The following DENND2B variants were observed in gnomAD, a reference collection of about 807,000 sequenced individuals.
DENND2B encodes the protein DENN domain-containing protein 2B.
Under a neutral mutation model 116.0 loss-of-function variants are expected in DENND2B, and 32 were observed. The ratio of observed to expected loss-of-function variants is 0.28; its 90% CI spans 0.21 to 0.37. DENND2B has a LOEUF of 0.37. DENND2B is among the 10% of genes least tolerant of loss of function. The pLI, the probability that DENND2B is intolerant of heterozygous loss-of-function variation, is 1.00. For missense variants in DENND2B, 1,276 were observed against 1,477.7 expected, an observed-to-expected ratio of 0.86 and a Z score of 2.24; for synonymous variants, 588 against 583.9, an observed-to-expected ratio of 1.01 and a Z score of -0.10.
intron 3 of DENND2B, 57 bp downstream of exon 3, chr11:8,729,893 C>G (rs2047800904): frequency 1.3e-6 from 2 of 1,584,770 alleles, no homozygotes; most frequent in South Asian, 1.2e-5. Flanking sequence ...TTTGCACTGT[C>G]CATTTAAAAG....
intron 11 of DENND2B, 90 bp downstream of exon 11, chr11:8,710,755 A>G (rs766127402): frequency 1.2e-3 from 93 of 78,804 alleles, no homozygotes; most frequent in Non-Finnish European, 1.7e-3. Flanking sequence ...GCAGAAGGGC[A>G]CACACACACA....
chr11:8,727,362 C>T (rs1300979773), intron 3 of DENND2B, among the ~76,000 whole-genome samples: 1 of 152,208 alleles, frequency 6.6e-6, no homozygotes, highest in Non-Finnish European at 1.5e-5. Context: ...CCCTGCCCCG[C>T]CCCAAGCACT....
Position 8,826,031 on chromosome 11 carries a change from T to C in DENND2B, c.-115+13279A>G, listed in dbSNP as rs149387841. Reference sequence around the variant, plus strand: ...AAAGAAAAAAAGGAAATCAAGTCTTTTGGAGCCCCTTAAACTGAGAAGATA... The same window carrying C: ...AAAGAAAAAAAGGAAATCAAGTCTTCTGGAGCCCCTTAAACTGAGAAGATA... On this transcript the variant is annotated intron_variant, in intron 4 of 6. Coordinates refer to the DENND2B transcript ENST00000524757. Among the ~76,000 whole-genome samples the C allele has an allele frequency of 2.7e-3, 411 of 152,318 alleles. 6 individuals are homozygous for C. The highest frequency in any genetic ancestry group is 9.5e-3 in the African/African-American group (396 of 41,560).
chr11:8,720,727 G>C (rs756362814), intron 4 of DENND2B, among the ~76,000 whole-genome samples: 2 of 152,170 alleles, frequency 1.3e-5, no homozygotes, highest in Non-Finnish European at 2.9e-5. Context: ...CATCTCTCCA[G>C]GTGGACAGGG....
intron 2 of DENND2B, among the ~76,000 whole-genome samples, chr11:8,869,123 A>G (rs909129057): frequency 6.6e-6 from 1 of 152,214 alleles, no homozygotes; most frequent in African/African-American, 2.4e-5. Flanking sequence ...ATCTGAAATT[A>G]TCCTTCACTC....
At chr11:8,832,393 T>C (rs1265834134) in intron 4 of DENND2B, among the ~76,000 whole-genome samples, 1 of 146,964 alleles carries the variant, frequency 6.8e-6, no homozygotes, top group Non-Finnish European at 1.5e-5. Context: ...CGGAGGTTGC[T>C]GTGGGCCGAG....
chr11:8,831,801 G>A (rs577155192), intron 4 of DENND2B: 1 of 152,162 alleles, frequency 6.6e-6, no homozygotes, highest in African/African-American at 2.4e-5. Flanking sequence ...TACCCAGTGT[G>A]TGTTCATGCT....
intron 1 of DENND2B, among the ~76,000 whole-genome samples, chr11:8,893,802 T>C (rs368896219): frequency 1.6e-4 from 24 of 152,048 alleles, no homozygotes; most frequent in Non-Finnish European, 2.9e-4. Flanking sequence ...GAATCAATAT[T>C]GTGAAAATGG....
At chr11:8,819,778 C>G (rs774702106) in intron 4 of DENND2B, among the ~76,000 whole-genome samples, 1 of 152,174 alleles carries the variant, frequency 6.6e-6, no homozygotes, top group Non-Finnish European at 1.5e-5. Flanking sequence ...TTAGAGGAGA[C>G]TAAGGAGACG....
At chr11:8,814,320 T>C (rs1303021595), upstream of DENND2B, among the ~76,000 whole-genome samples, 1 of 137,826 alleles carries the variant, frequency 7.3e-6, no homozygotes, top group African/African-American at 2.7e-5. Context: ...CTTAACACAC[T>C]TCATTGACTT....
At chr11:8,794,026 TAACA>T (rs1272909447) in intron 1 of DENND2B, among the ~76,000 whole-genome samples, 1 of 152,224 alleles carries the variant, frequency 6.6e-6, no homozygotes, top group Non-Finnish European at 1.5e-5. Context: ...ACCCAACTGT[TAACA>T]ATAACTATTT....
At chr11:8,720,506 T>G (rs1295446655) in intron 4 of DENND2B, among the ~76,000 whole-genome samples, 3 of 152,150 alleles carry the variant, frequency 2.0e-5, no homozygotes, top group African/African-American at 7.2e-5. Context: ...CCCAGCCCCT[T>G]GTGCCAGCCT....
chr11:8,868,771 G>A (rs2063671881), intron 2 of DENND2B, among the ~76,000 whole-genome samples: 1 of 152,144 alleles, frequency 6.6e-6, no homozygotes, highest in Non-Finnish European at 1.5e-5. Flanking sequence ...GCTTTCCCCA[G>A]CAACTCTCCA....
At chr11:8,739,100 G>A (rs2049688037) in intron 2 of DENND2B, among the ~76,000 whole-genome samples, 1 of 152,228 alleles carries the variant, frequency 6.6e-6, no homozygotes, top group African/African-American at 2.4e-5. Flanking sequence ...ATTATTATTT[G>A]TGTTGAATGA....
At position 8,729,984 on chromosome 11, in the gene DENND2B, T is replaced by G; in HGVS notation, c.1306A>C (p.Lys436Gln). ...PAPPVTRRPK[K>Q]DMRGHRKSQS... ...GACTTGCGGTGACCACGCATGTCCT[T>G]CTTGGGTCTCCGGGTGACTGGCGGG... Residue 436 changes from lysine to glutamine, a missense_variant, in exon 3 of 20, where the codon AAG (lysine) becomes CAG (glutamine). By Grantham distance (53) the Lys-to-Gln change is moderately conservative. Around this residue, in one of 2 missense-constraint regions of DENND2B, gnomAD observed 856 missense variants for 846.6 expected, o/e 1.01. Transcript: ENST00000313726. The G allele has an allele frequency of 6.2e-7, 1 of 1,614,120 alleles. No individual in the cohort carries two copies. Among genetic ancestry groups the G allele is most frequent in the South Asian group, 1.1e-5 (1 of 91,058 alleles).
intron 1 of DENND2B, among the ~76,000 whole-genome samples, chr11:8,772,141 AC>A (rs2134189357): frequency 6.6e-6 from 1 of 151,650 alleles, no homozygotes; most frequent in African/African-American, 2.4e-5. Context: ...ACACACACAC[AC>A]ACACACACAC....
chr11:8,826,611 C>T (rs1446773625), intron 4 of DENND2B, among the ~76,000 whole-genome samples: 1 of 152,084 alleles, frequency 6.6e-6, no homozygotes, highest in Non-Finnish European at 1.5e-5. Flanking sequence ...GGTTCTTATC[C>T]TAGGAACATG....
At chr11:8,868,827 T>G (rs2063674007) in intron 2 of DENND2B, among the ~76,000 whole-genome samples, 1 of 152,248 alleles carries the variant, frequency 6.6e-6, no homozygotes, top group South Asian at 2.1e-4. Flanking sequence ...CCCTCTTCTA[T>G]GAAACCGCCC....
Position 8,808,534 on chromosome 11 carries a change from A to G in DENND2B, c.-26+1983T>C, listed in dbSNP as rs905233279. 2.0e-5 allele frequency: 3 copies of G among 152,210 alleles called. No individual in the cohort carries two copies. The East Asian group carries it at 5.8e-4, about 29-fold the overall frequency. 9.4% of individuals were successfully genotyped at this position (152,210 alleles called of 1,614,324 possible). On this transcript the variant is annotated intron_variant, in intron 1 of 19. Coordinates refer to ENST00000313726, the MANE Select transcript of DENND2B (RefSeq NM_213618.2). Reference sequence around the variant, plus strand: ...GAAAGCAACATTTGTTTCCTTAAACATCCTGAAGAAGTCTTTTCAGATTTT... The same window carrying G: ...GAAAGCAACATTTGTTTCCTTAAACGTCCTGAAGAAGTCTTTTCAGATTTT...
Sources: gnomAD v4.1 joint callset for allele counts (sites outside exome capture counted in the v4.1 genomes callset) on GRCh38, gnomAD v4.1.1 for gene constraint, gnomAD v4.1.1 regional missense constraint, MANE v1.5 for transcripts, NCBI Gene and HGNC (gene_info 2026-07-23, HGNC 2026-07-21) for gene names.